The following CAMTA1 variants were observed in gnomAD, a reference collection of about 807,000 sequenced individuals.
CAMTA1 encodes the protein calmodulin-binding transcription activator 1.
CAMTA1 carries 27 observed loss-of-function variants against 170.9 expected under a neutral mutation model. The observed-to-expected ratio is 0.16, with a 90% CI of 0.12 to 0.22. The LOEUF is 0.22. CAMTA1 is among the 10% of genes least tolerant of loss of function. CAMTA1 has a pLI of 1.00. For missense variants in CAMTA1, 1,619 were observed against 2,217.2 expected (o/e 0.73, Z 5.42); for synonymous variants, 833 against 891.5 (o/e 0.93, Z 1.17).
At position 7,463,545 on chromosome 1, in the gene CAMTA1, A is replaced by G. The variant is rs1725229; in HGVS notation, c.439-4285A>G. Among the ~76,000 whole-genome samples the G allele has an allele frequency of 0.44, 67,272 of 151,770 alleles. 15,605 individuals are homozygous for G. The highest frequency in any genetic ancestry group is 0.57 in the African/African-American group (23,740 of 41,328). On this transcript the variant is annotated intron_variant, in intron 5 of 22. Transcript: ENST00000303635. The surrounding 1 kb of genome is among the most constrained non-coding windows in gnomAD (Gnocchi z 4.7). Reference sequence around the variant, plus strand: ...GAGATTGAGAGACAGGGAGAGACAGAGAGAGAAAGAAGATGAGACAGATAC... The same window carrying G: ...GAGATTGAGAGACAGGGAGAGACAGGGAGAGAAAGAAGATGAGACAGATAC...
intron 5 of CAMTA1, among the ~76,000 whole-genome samples, chr1:7,359,951 C>T (rs1161869149): frequency 6.6e-6 from 1 of 152,060 alleles, no homozygotes; most frequent in Non-Finnish European, 1.5e-5. Context: ...AAGGTGTGGG[C>T]AGGGCTGGTT....
At chr1:7,684,987 G>A (rs965063528) in intron 11 of CAMTA1, among the ~76,000 whole-genome samples, 5 of 152,148 alleles carry the variant, frequency 3.3e-5, no homozygotes, top group South Asian at 2.1e-4. Flanking sequence ...GTTAGGCTCC[G>A]GGGACTCCGC....
At chr1:7,068,947 CTT>C (rs1638232315) in intron 3 of CAMTA1, among the ~76,000 whole-genome samples, 1 of 152,204 alleles carries the variant, frequency 6.6e-6, no homozygotes, top group Non-Finnish European at 1.5e-5. Context: ...TGCTCCCTCT[CTT>C]TGTTCACTCG....
intron 7 of CAMTA1, among the ~76,000 whole-genome samples, chr1:7,658,258 A>G (rs954713390): frequency 3.3e-5 from 5 of 152,106 alleles, no homozygotes; most frequent in African/African-American, 1.2e-4. Flanking sequence ...TCCCGTGATG[A>G]GCTCTGCAGG....
At chr1:7,210,480 A>T (rs1304303282) in intron 4 of CAMTA1, among the ~76,000 whole-genome samples, 2 of 152,160 alleles carry the variant, frequency 1.3e-5, no homozygotes, top group Admixed American at 1.3e-4. Flanking sequence ...GACTTTGACC[A>T]TTGGTTAGGA....
chr1:6,929,282 T>A (rs1194268515), intron 3 of CAMTA1, among the ~76,000 whole-genome samples: 1 of 151,754 alleles, frequency 6.6e-6, no homozygotes, highest in African/African-American at 2.4e-5. Context: ...TGGGTTCAAG[T>A]GATTCTCCTG....
chr1:6,961,934 A>G (rs1690487756), intron 3 of CAMTA1, among the ~76,000 whole-genome samples: 1 of 152,032 alleles, frequency 6.6e-6, no homozygotes, highest in South Asian at 2.1e-4. Flanking sequence ...CTGGGGAGGG[A>G]GGGAAGGCGC....
rs899856302 is a variant in CAMTA1 at position 7,570,444 on chromosome 1, G to A, written c.511-69956G>A. The stretch of plus-strand genomic sequence containing the variant: ...GCCAGGGGCAAACCCGGACCAGCCC[G>A]TGCATGTGCCAAGGGCTGGCCCAGG... On this transcript the variant is annotated intron_variant, in intron 6 of 22. Coordinates refer to ENST00000303635, the MANE Select transcript of CAMTA1 (RefSeq NM_015215.4). The surrounding 1 kb of genome is among the most constrained non-coding windows in gnomAD (Gnocchi z 4.3). Among the ~76,000 whole-genome samples, 8 of 152,238 alleles carry A rather than the reference G, an allele frequency of 5.3e-5. No homozygotes were observed. Among genetic ancestry groups the A allele is most frequent in the East Asian group, 1.9e-4 (1 of 5,200 alleles).
At chr1:6,915,921 G>A (rs1282062165) in intron 3 of CAMTA1, among the ~76,000 whole-genome samples, 1 of 152,154 alleles carries the variant, frequency 6.6e-6, no homozygotes, top group African/African-American at 2.4e-5. Context: ...CAGCATGGGG[G>A]ACTGATCCCC....
intron 5 of CAMTA1, among the ~76,000 whole-genome samples, chr1:7,381,144 T>A (rs551418601): frequency 2.8e-4 from 42 of 152,182 alleles, no homozygotes; most frequent in African/African-American, 9.7e-4. Flanking sequence ...TTCTTTTTTT[T>A]ATTTTTTATT....
chr1:7,267,836 T>G (rs1348392109), intron 5 of CAMTA1, among the ~76,000 whole-genome samples: 2 of 152,186 alleles, frequency 1.3e-5, no homozygotes, highest in Non-Finnish European at 1.5e-5. Flanking sequence ...CATGTTCCCC[T>G]GCCCCTCTCA....
Position 7,664,640 on chromosome 1 carries a change from C to T in CAMTA1, c.2093C>T (p.Ala698Val), listed in dbSNP as rs555813461. ...GEVTMETSQA[A>V]EGSEVLLKSG... is the part of the protein sequence containing the mutation. ...GTCACCATGGAGACCTCGCAGGCGG[C>T]GGAAGGGAGCGAGGTCCTGCTCAAG... The change falls in exon 9 of 23, where the codon GCG (alanine) becomes GTG (valine). Residue 698 changes from alanine (A) to valine (V), a missense_variant. Physicochemically the swap from Ala to Val is moderately conservative, Grantham distance 64. Around this residue, in one of 8 missense-constraint regions of CAMTA1, gnomAD observed 731 missense variants for 907.6 expected, o/e 0.81. Transcript: ENST00000303635. 1.3e-5 allele frequency: 21 copies of T among 1,606,936 alleles called. No individual in the cohort carries two copies. In the South Asian group the frequency reaches 1.3e-4, roughly 10 times the overall value.
intron 5 of CAMTA1, among the ~76,000 whole-genome samples, chr1:7,367,224 TCTC>T (rs1384038321): frequency 2.6e-5 from 4 of 152,122 alleles, no homozygotes; most frequent in Admixed American, 6.5e-5. Flanking sequence ...CCAGCTCTCT[TCTC>T]CTCAGAGAGT....
At chr1:7,277,456 G>GGTGTGTGTGTGTGTGTGTGT (rs57970990) in intron 5 of CAMTA1, among the ~76,000 whole-genome samples, 2 of 135,322 alleles carry the variant, frequency 1.5e-5, no homozygotes, top group African/African-American at 5.7e-5. Flanking sequence ...TCCAAGCAAT[G>GGTGTGTGTGTGTGTGTGTGT]GTGTGTGTGT....
chr1:7,178,190 T>C (rs1356312608), intron 4 of CAMTA1, among the ~76,000 whole-genome samples: 3 of 152,226 alleles, frequency 2.0e-5, no homozygotes, highest in African/African-American at 7.2e-5. Context: ...CCTCTCTCTG[T>C]GCTCAGGGCT....
At chr1:7,438,242 G>T (rs886772611) in intron 5 of CAMTA1, among the ~76,000 whole-genome samples, 1 of 152,182 alleles carries the variant, frequency 6.6e-6, no homozygotes, top group African/African-American at 2.4e-5. Context: ...TCTTGAGACT[G>T]GGGTGAGGGG....
At chr1:7,545,850 C>T (rs2094684692) in intron 6 of CAMTA1, among the ~76,000 whole-genome samples, 2 of 151,892 alleles carry the variant, frequency 1.3e-5, no homozygotes. Flanking sequence ...CCCACCCCCA[C>T]CACCAGGCCC....
intron 4 of CAMTA1, among the ~76,000 whole-genome samples, chr1:7,123,012 C>G (rs771784304): frequency 9.9e-5 from 15 of 152,232 alleles, no homozygotes; most frequent in Non-Finnish European, 1.3e-4. Flanking sequence ...TGGGATGAAA[C>G]TCAAGATCCA....
At chr1:6,957,352 T>C (rs1018872962) in intron 3 of CAMTA1, among the ~76,000 whole-genome samples, 3 of 152,142 alleles carry the variant, frequency 2.0e-5, no homozygotes, top group African/African-American at 7.2e-5. Context: ...ACTTGGTGGC[T>C]TAAAGTGACA....
Sources: allele counts gnomAD v4.1 joint callset (sites outside exome capture counted in the v4.1 genomes callset), GRCh38; gene constraint gnomAD v4.1.1; regional missense constraint gnomAD v4.1.1; non-coding constraint Gnocchi (gnomAD v3.1); transcripts MANE v1.5; gene names NCBI Gene and HGNC (gene_info 2026-07-23, HGNC 2026-07-21).